AP3S1: variants seen among roughly 807,000 people sequenced by gnomAD.
AP3S1 encodes the protein adaptor related protein complex 3 subunit sigma 1, also known as AP-3 complex subunit sigma-1.
AP3S1 carries 12 observed loss-of-function variants against 21.3 expected under a neutral mutation model. The observed-to-expected ratio is 0.56, with a 90% CI of 0.36 to 0.91. The LOEUF is 0.91. Among genes scored for constraint, AP3S1 ranks in the 40% least tolerant of loss-of-function variants. The probability of loss-of-function intolerance (pLI) is 0.01; values close to 1 mark genes in which losing one functional copy is unlikely to be tolerated. For missense variants in AP3S1, 116 were observed against 225.0 expected, an observed-to-expected ratio of 0.52 and a Z score of 3.10; for synonymous variants, 48 against 78.4, an observed-to-expected ratio of 0.61 and a Z score of 2.05.
chr5:115,862,291 A>T (rs1763256051), intron 1 of AP3S1, among the ~76,000 whole-genome samples: 1 of 152,182 alleles, frequency 6.6e-6, no homozygotes, highest in South Asian at 2.1e-4. Flanking sequence ...GACAAATTGA[A>T]AAAACTTGCC....
intron 1 of AP3S1, among the ~76,000 whole-genome samples, chr5:115,859,503 T>G (rs1763021544): frequency 6.6e-6 from 1 of 152,212 alleles, no homozygotes; most frequent in Admixed American, 6.5e-5. Context: ...AAATACTTCA[T>G]CATGACCAAT....
intron 3 of AP3S1, among the ~76,000 whole-genome samples, chr5:115,889,121 G>A (rs1038768082): frequency 2.0e-5 from 3 of 152,178 alleles, no homozygotes; most frequent in East Asian, 1.9e-4. Context: ...ATGCTATCAC[G>A]AACTTTTTTT....
At chr5:115,877,128 T>C (rs966859847) in intron 3 of AP3S1, among the ~76,000 whole-genome samples, 3 of 152,190 alleles carry the variant, frequency 2.0e-5, no homozygotes, top group Non-Finnish European at 2.9e-5. Flanking sequence ...GGGGTTTTTT[T>C]CTATCATACC....
intron 3 of AP3S1, among the ~76,000 whole-genome samples, chr5:115,888,344 T>G (rs1238056367): frequency 6.6e-6 from 1 of 152,146 alleles, no homozygotes; most frequent in African/African-American, 2.4e-5. Context: ...TTTTTCCCCC[T>G]TAATTTCTTC....
chr5:115,900,703 A>G (rs1580734628), intron 4 of AP3S1, among the ~76,000 whole-genome samples: 1 of 152,200 alleles, frequency 6.6e-6, no homozygotes, highest in Non-Finnish European at 1.5e-5. Flanking sequence ...TTCCTTCAGT[A>G]GAGAATGATG....
chr5:115,855,918 TG>T lies in AP3S1; in HGVS notation c.70-10751del, dbSNP rs199987995. ...ATTAGAGGGAAGTTTTAAAGTTGCCTGTGTGATATATGCATAAGGACAGGAG... is the reference window on the plus strand; with the variant it reads ...ATTAGAGGGAAGTTTTAAAGTTGCCTTGTGATATATGCATAAGGACAGGAG... On this transcript the variant is annotated intron_variant, in intron 1 of 5. Coordinates refer to ENST00000316788, the MANE Select transcript of AP3S1 (RefSeq NM_001284.4). 3.1e-3 allele frequency among the ~76,000 whole-genome samples: 470 copies of T among 152,280 alleles called. 1 individual carries two copies. Among genetic ancestry groups the T allele is most frequent in the African/African-American group, 0.01 (435 of 41,558 alleles).
intron 3 of AP3S1, among the ~76,000 whole-genome samples, chr5:115,887,616 G>A (rs1207395227): frequency 2.0e-5 from 3 of 152,022 alleles, no homozygotes; most frequent in Non-Finnish European, 4.4e-5. Context: ...TCTTTTGTGA[G>A]ACATTGTTGT....
intron 4 of AP3S1, among the ~76,000 whole-genome samples, chr5:115,902,047 A>G (rs904162123): frequency 3.3e-5 from 5 of 152,208 alleles, no homozygotes; most frequent in Non-Finnish European, 7.3e-5. Flanking sequence ...TATTTCGTAA[A>G]TAAGGTAACA....
intron 5 of AP3S1, among the ~76,000 whole-genome samples, chr5:115,910,428 G>A (rs1752007954): frequency 6.6e-6 from 1 of 151,910 alleles, no homozygotes; most frequent in Admixed American, 6.6e-5. Context: ...AACAAGTCAG[G>A]TAAACAATTT....
At chr5:115,893,411 T>C (rs1354675238) in intron 3 of AP3S1, among the ~76,000 whole-genome samples, 2 of 152,214 alleles carry the variant, frequency 1.3e-5, no homozygotes, top group Non-Finnish European at 2.9e-5. Context: ...ATGAAAACGT[T>C]ATTTCACATT....
intron 3 of AP3S1, among the ~76,000 whole-genome samples, chr5:115,893,796 T>A (rs1390946695): frequency 6.6e-6 from 1 of 152,234 alleles, no homozygotes; most frequent in Non-Finnish European, 1.5e-5. Flanking sequence ...TGTTCCAGGC[T>A]GTTATTACAT....
intron 1 of AP3S1, among the ~76,000 whole-genome samples, chr5:115,858,648 T>C (rs1762954912): frequency 6.6e-6 from 1 of 151,890 alleles, no homozygotes; most frequent in African/African-American, 2.4e-5. Context: ...ATCTTATTCT[T>C]TCTCTTTCAT....
chr5:115,873,046 A>G (rs1354207001), intron 3 of AP3S1, among the ~76,000 whole-genome samples: 1 of 152,206 alleles, frequency 6.6e-6, no homozygotes, highest in African/African-American at 2.4e-5. Flanking sequence ...CTCTTATTGA[A>G]GAGAAATGTT....
At position 115,859,134 on chromosome 5, in the gene AP3S1, A is replaced by G. The variant is rs963983537; in HGVS notation, c.70-7536A>G. ...ACTGAAAGCTGATTGGAAGCTCTCAATCCATGATTAGAGGTTGCCTGTGCG... is the reference window on the plus strand; with the variant it reads ...ACTGAAAGCTGATTGGAAGCTCTCAGTCCATGATTAGAGGTTGCCTGTGCG... On this transcript the variant is annotated intron_variant, in intron 1 of 5. Coordinates refer to ENST00000316788, the MANE Select transcript of AP3S1 (RefSeq NM_001284.4). 5.9e-5 allele frequency among the ~76,000 whole-genome samples: 9 copies of G among 152,092 alleles called. No individual in the cohort carries two copies. In the East Asian group the frequency reaches 1.7e-3, roughly 29 times the overall value.
chr5:115,852,854 CTTG>C (rs1223175787), intron 1 of AP3S1: 2 of 307,152 alleles, frequency 6.5e-6, no homozygotes, highest in African/African-American at 4.4e-5. Flanking sequence ...TACACTGTAT[CTTG>C]TTTGTCCATT....
At chr5:115,913,143 TATC>T (rs568329388) in intron 5 of AP3S1, among the ~76,000 whole-genome samples, 28 of 152,310 alleles carry the variant, frequency 1.8e-4, no homozygotes, top group Non-Finnish European at 3.7e-4. Context: ...TTTACATTGT[TATC>T]ATTGCATGTG....
At chr5:115,901,474 T>G (rs1561523820) in intron 4 of AP3S1, among the ~76,000 whole-genome samples, 2 of 151,386 alleles carry the variant, frequency 1.3e-5, no homozygotes, top group Non-Finnish European at 2.9e-5. Context: ...CTAGGAAGAT[T>G]AATTTATATA....
intron 3 of AP3S1, among the ~76,000 whole-genome samples, chr5:115,879,319 A>G (rs1301885080): frequency 6.6e-6 from 1 of 152,176 alleles, no homozygotes; most frequent in Non-Finnish European, 1.5e-5. Context: ...ATTCAGTATG[A>G]TATTGGCTAT....
At chr5:115,863,727 T>C (rs1371950288) in intron 1 of AP3S1, among the ~76,000 whole-genome samples, 1 of 152,170 alleles carries the variant, frequency 6.6e-6, no homozygotes, top group Admixed American at 6.5e-5. Flanking sequence ...GGCATATCTA[T>C]AGAATATGAT....
Sources: gnomAD v4.1 joint callset for allele counts (sites outside exome capture counted in the v4.1 genomes callset) on GRCh38, gnomAD v4.1.1 for gene constraint, MANE v1.5 for transcripts, NCBI Gene and HGNC (gene_info 2026-07-23, HGNC 2026-07-21) for gene names.